CSMD1: variants seen among roughly 807,000 people sequenced by gnomAD.
CSMD1 encodes CUB and Sushi multiple domains 1, also known as CUB and sushi domain-containing protein 1.
CSMD1 carries 213 observed loss-of-function variants against 417.5 expected under a neutral mutation model. That is an observed-to-expected ratio of 0.51 (90% CI 0.46 to 0.57). The LOEUF (loss-of-function observed/expected upper bound fraction) is 0.57. Among genes scored for constraint, CSMD1 ranks in the 20% least tolerant of loss-of-function variants. CSMD1 has a pLI of 0.00. For missense variants in CSMD1, 6,923 were observed against 4,529.7 expected (o/e 1.53, Z -15.17); for synonymous variants, 2,862 against 1,736.8 (o/e 1.65, Z -16.11).
At chr8:4,218,008 A>G (rs1490407500) in intron 3 of CSMD1, among the ~76,000 whole-genome samples, 2 of 152,162 alleles carry the variant, frequency 1.3e-5, no homozygotes, top group East Asian at 3.9e-4. Flanking sequence ...CCAACCTCAC[A>G]AAAAGAAAAC....
At chr8:3,814,486 G>C (rs1170682888) in intron 5 of CSMD1, among the ~76,000 whole-genome samples, 1 of 152,168 alleles carries the variant, frequency 6.6e-6, no homozygotes, top group East Asian at 1.9e-4. Flanking sequence ...GCTTTCAACT[G>C]TGGCCGAATT....
At chr8:4,393,174 C>T (rs1166343738) in intron 3 of CSMD1, among the ~76,000 whole-genome samples, 1 of 151,884 alleles carries the variant, frequency 6.6e-6, no homozygotes, top group Non-Finnish European at 1.5e-5. Context: ...CGAAGTTTCA[C>T]CATGTTGCCC....
At chr8:3,351,809 T>A (rs1808443733) in intron 21 of CSMD1, among the ~76,000 whole-genome samples, 1 of 150,186 alleles carries the variant, frequency 6.7e-6, no homozygotes, top group African/African-American at 2.4e-5. Context: ...ATACAATGTG[T>A]ACTCACTATT....
At chr8:3,284,533 A>C (rs1204426163) in intron 25 of CSMD1, 187 bp from the exon 26 acceptor site, 1 of 594,018 alleles carries the variant, frequency 1.7e-6, no homozygotes, top group Non-Finnish European at 3.0e-6. Context: ...AGTGTAAATT[A>C]GGATAAAGCA....
intron 2 of CSMD1, among the ~76,000 whole-genome samples, chr8:4,567,699 T>C (rs1246848854): frequency 1.3e-5 from 2 of 152,180 alleles, no homozygotes; most frequent in African/African-American, 4.8e-5. Context: ...CAATACATTA[T>C]AGCTGGGCCA....
chr8:3,831,831 GCTA>G (rs1357059270), intron 5 of CSMD1, among the ~76,000 whole-genome samples: 1 of 152,126 alleles, frequency 6.6e-6, no homozygotes, highest in African/African-American at 2.4e-5. Flanking sequence ...AATCTGGAAA[GCTA>G]CTGCTATCCT....
chr8:3,676,606 G>A (rs994921815), intron 7 of CSMD1, among the ~76,000 whole-genome samples: 4 of 152,150 alleles, frequency 2.6e-5, no homozygotes, highest in African/African-American at 9.7e-5. Flanking sequence ...CTTTTCCTAA[G>A]AAGGTTGCCG....
intron 4 of CSMD1, among the ~76,000 whole-genome samples, chr8:4,023,649 C>T (rs1463392499): frequency 3.4e-5 from 5 of 148,990 alleles, no homozygotes; most frequent in African/African-American, 1.2e-4. Flanking sequence ...TGCAGTGGCG[C>T]GATCTCGGCT....
At chr8:3,119,335 C>A (rs1817051968) in intron 41 of CSMD1, among the ~76,000 whole-genome samples, 1 of 127,454 alleles carries the variant, frequency 7.8e-6, no homozygotes, top group South Asian at 2.6e-4. Context: ...TTTGGTTTAA[C>A]TATACAAATA....
intron 2 of CSMD1, among the ~76,000 whole-genome samples, chr8:4,453,310 T>A (rs1338837915): frequency 6.6e-6 from 1 of 151,918 alleles, no homozygotes; most frequent in Non-Finnish European, 1.5e-5. Flanking sequence ...CAATCAACTG[T>A]CCCCAAGAAT....
intron 3 of CSMD1, among the ~76,000 whole-genome samples, chr8:4,233,800 A>G (rs1801883192): frequency 6.6e-6 from 1 of 152,154 alleles, no homozygotes. Context: ...TATCTTTAGG[A>G]TATTTCATGA....
intron 3 of CSMD1, among the ~76,000 whole-genome samples, chr8:4,270,999 A>G (rs1303952371): frequency 6.6e-6 from 1 of 152,182 alleles, no homozygotes; most frequent in Admixed American, 6.5e-5. Context: ...TGCATTTTAA[A>G]TTGTTATGAG....
intron 3 of CSMD1, among the ~76,000 whole-genome samples, chr8:4,047,622 T>C (rs1341430648): frequency 6.6e-6 from 1 of 152,096 alleles, no homozygotes; most frequent in African/African-American, 2.4e-5. Flanking sequence ...TTCCAGGCAC[T>C]AGGAATGCAA....
intron 52 of CSMD1, among the ~76,000 whole-genome samples, chr8:3,014,379 A>G (rs1167460523): frequency 2.6e-5 from 4 of 152,278 alleles, no homozygotes; most frequent in South Asian, 2.1e-4. Flanking sequence ...CATCAAGTCA[A>G]TTTATGGTTT....
At chr8:3,970,169 G>C (rs1484543740) in intron 5 of CSMD1, among the ~76,000 whole-genome samples, 2 of 150,454 alleles carry the variant, frequency 1.3e-5, no homozygotes, top group African/African-American at 2.4e-5. Flanking sequence ...TTTGGCAGTT[G>C]AATAGGAACC....
At position 4,019,876 on chromosome 8, in the gene CSMD1, C is replaced by G. The variant is rs78802105; in HGVS notation, c.610+12029G>C. Among the ~76,000 whole-genome samples, 1,044 of 149,184 alleles carry G rather than the reference C, an allele frequency of 7.0e-3. 59 individuals carry two copies. The East Asian group carries it at 0.14, about 20-fold the overall frequency. ...AAACCATTTCTCTCCTCAAGTCAGT[C>G]TGCTAGTTTCTTATTCTAAAGAATA... On this transcript the variant is annotated intron_variant, in intron 4 of 69. Transcript: ENST00000635120.
intron 8 of CSMD1, among the ~76,000 whole-genome samples, chr8:3,595,349 T>A (rs922142205): frequency 1.3e-5 from 2 of 152,198 alleles, no homozygotes; most frequent in African/African-American, 4.8e-5. Context: ...TGAAATGCCT[T>A]TTATTACCCG....
At chr8:4,094,194 C>G (rs1242070127) in intron 3 of CSMD1, among the ~76,000 whole-genome samples, 1 of 151,912 alleles carries the variant, frequency 6.6e-6, no homozygotes, top group Non-Finnish European at 1.5e-5. Flanking sequence ...TGGAGCCAAA[C>G]CTGGGTGTGA....
intron 54 of CSMD1, among the ~76,000 whole-genome samples, chr8:2,996,101 C>A (rs1806872379): frequency 6.6e-6 from 1 of 152,034 alleles, no homozygotes; most frequent in African/African-American, 2.4e-5. Flanking sequence ...GCCTGGGAAT[C>A]TACAGTTATC....
Sources: gnomAD v4.1 joint callset for allele counts (sites outside exome capture counted in the v4.1 genomes callset) on GRCh38, gnomAD v4.1.1 for gene constraint, MANE v1.5 for transcripts, NCBI Gene and HGNC (gene_info 2026-07-23, HGNC 2026-07-21) for gene names.